The following CC2D1A variants were observed in gnomAD, a reference collection of about 807,000 sequenced individuals.
The protein encoded by CC2D1A is coiled-coil and C2 domain-containing protein 1A.
Under a neutral mutation model 123.8 loss-of-function variants are expected in CC2D1A, and 68 were observed. The observed-to-expected ratio is 0.55, with a 90% CI of 0.45 to 0.67. The LOEUF is 0.67. Among genes scored for constraint, CC2D1A ranks in the 30% least tolerant of loss-of-function variants. CC2D1A has a pLI of 0.00. For synonymous variants in CC2D1A, 477 were observed against 528.0 expected (o/e 0.90, Z 1.32); for missense variants, 1,185 against 1,290.3 (o/e 0.92, Z 1.25).
intron 6 of CC2D1A, among the ~76,000 whole-genome samples, 182 bp downstream of exon 6, chr19:13,913,820 T>A (rs924774909): frequency 5.3e-5 from 8 of 151,544 alleles, no homozygotes; most frequent in African/African-American, 1.7e-4. Context: ...ACCCAGAGAG[T>A]TTTTTTTGTT....
At chr19:13,925,270 G>A (rs979176584) in intron 17 of CC2D1A, among the ~76,000 whole-genome samples, 1 of 152,302 alleles carries the variant, frequency 6.6e-6, no homozygotes, top group Admixed American at 6.5e-5. Context: ...CTGGCACATA[G>A]TAGGTGCTCA....
At chr19:13,920,421 G>T (rs1568413255) in intron 12 of CC2D1A, 136 bp from the exon 13 acceptor site, 6 of 653,484 alleles carry the variant, frequency 9.2e-6, no homozygotes, top group African/African-American at 1.9e-5. Flanking sequence ...CAGGGGCTTT[G>T]AGTGAGGCAG....
At chr19:13,920,095 T>A (rs1459476534) in intron 12 of CC2D1A, 144 bp downstream of exon 12, 15 of 829,320 alleles carry the variant, frequency 1.8e-5, no homozygotes, top group Non-Finnish European at 2.7e-5. Context: ...AAAAAAATTT[T>A]TTAAAATTAG....
chr19:13,917,021 A>C lies in CC2D1A; in HGVS notation c.749-1049A>C, dbSNP rs532173678. Among the ~76,000 whole-genome samples the C allele has an allele frequency of 7.2e-5, 11 of 152,370 alleles. No homozygotes were observed. The East Asian group carries it at 1.9e-3, about 27-fold the overall frequency. ...CCTAACTTTGCAAACACACTGCATA[A>C]ATATATTTTGGTTGTATAAATATAC... On this transcript the variant is annotated intron_variant, in intron 6 of 28. Coordinates refer to ENST00000318003, the MANE Select transcript of CC2D1A (RefSeq NM_017721.5).
At chr19:13,907,036 G>T (rs1970780057) in intron 1 of CC2D1A, among the ~76,000 whole-genome samples, 1 of 152,172 alleles carries the variant, frequency 6.6e-6, no homozygotes, top group Admixed American at 6.6e-5. Context: ...ATAGCTTGGT[G>T]TTCAGATATT....
At position 13,923,192 on chromosome 19, in the gene CC2D1A, CAAAA is replaced by C; in HGVS notation, c.1642-131_1642-128del. 1 of 875,802 alleles carries C rather than the reference CAAAA, an allele frequency of 1.1e-6. No homozygotes were observed. Among genetic ancestry groups the C allele is most frequent in the South Asian group, 1.9e-5 (1 of 53,770 alleles). The allele number at this position is 875,802 out of a possible 1,614,324, so 54.3% of individuals were successfully genotyped here. On this transcript the variant is annotated intron_variant, in intron 14 of 28. Transcript: ENST00000318003. This position sits in a 1 kb window ranked among gnomAD's most constrained non-coding sequence, Gnocchi z 5.3. ...TGGGCAACAGAGCGAGACTCCATCT[CAAAA>C]AAAAAAAAAGACCAGAGAAGGGTGA...
chr19:13,921,653 A>T (rs544342009), intron 14 of CC2D1A, among the ~76,000 whole-genome samples: 10 of 151,964 alleles, frequency 6.6e-5, no homozygotes, highest in African/African-American at 2.2e-4. Context: ...CATTGGCCCA[A>T]ACAGTCACAT....
intron 11 of CC2D1A, 94 bp downstream of exon 11, chr19:13,919,296 C>A: frequency 2.1e-6 from 2 of 943,500 alleles, no homozygotes; most frequent in Non-Finnish European, 3.2e-6. Context: ...GTGCCCCAAG[C>A]TCCTGTTCCT....
Position 13,926,730 on chromosome 19 carries a change from G to A in CC2D1A, c.2073+5G>A, listed in dbSNP as rs200005213. 3.1e-6 allele frequency: 5 copies of A among 1,614,022 alleles called. No homozygotes were observed. The East Asian group carries it at 6.7e-5, about 22-fold the overall frequency. On this transcript the variant is annotated splice_donor_5th_base_variant and intron_variant, in intron 19 of 28. Coordinates refer to ENST00000318003, the MANE Select transcript of CC2D1A (RefSeq NM_017721.5). ...GACTTCCCCTATCCCAACGTGGTAC[G>A]TGGGGAGCTGAGGAGGGGAGGGCTG...
intron 11 of CC2D1A, 153 bp from the exon 12 acceptor site, chr19:13,919,665 G>A (rs905894545): frequency 3.4e-5 from 22 of 654,638 alleles, no homozygotes; most frequent in South Asian, 5.1e-5. Flanking sequence ...GCAACAGAGC[G>A]AGATCCTGTC....
At chr19:13,924,895 C>G (rs1971539342) in intron 17 of CC2D1A, among the ~76,000 whole-genome samples, 1 of 152,186 alleles carries the variant, frequency 6.6e-6, no homozygotes, top group Non-Finnish European at 1.5e-5. Flanking sequence ...CACCTCTTCT[C>G]TGCCTCCTGT....
At chr19:13,909,706 ATG>A in intron 1 of CC2D1A, 115 bp from the exon 2 acceptor site, 24 of 1,371,760 alleles carry the variant, frequency 1.7e-5, no homozygotes, top group Middle Eastern at 1.8e-4. Flanking sequence ...CCCCAGGGAA[ATG>A]GCTTTCCCTG....
chr19:13,919,465 G>A (rs1402095497), intron 11 of CC2D1A, among the ~76,000 whole-genome samples: 10 of 152,150 alleles, frequency 6.6e-5, no homozygotes, highest in Non-Finnish European at 1.2e-4. Context: ...CCGGCTGGAC[G>A]AGGTGGTCAT....
Position 13,906,220 on chromosome 19 carries a change from C to G in CC2D1A, c.-222C>G. 4.6e-6 allele frequency: 2 copies of G among 434,824 alleles called. No homozygotes were observed. The highest frequency in any genetic ancestry group is 9.1e-5 in the South Asian group (2 of 21,986). The allele number at this position is 434,824 out of a possible 1,614,324, so 26.9% of individuals were successfully genotyped here. A position where few individuals can be genotyped will look rare whatever the true frequency, so the allele number is the denominator to read the frequency against. On this transcript the variant is annotated 5_prime_UTR_variant, in exon 1 of 29. Coordinates refer to ENST00000318003, the MANE Select transcript of CC2D1A (RefSeq NM_017721.5). The surrounding 1 kb of genome is among the most constrained non-coding windows in gnomAD (Gnocchi z 4.1). ...GGAGTTGTAGTTTCGGCTCGGCAGA[C>G]CCGGCGAGCCCAGTGGCCGCGCTCC... is the stretch of plus-strand genomic sequence containing the variant.
rs1376521667 is a variant in CC2D1A at position 13,918,975 on chromosome 19, T to G, written c.1082T>G (p.Val361Gly). The change falls in exon 10 of 29, where the codon GTG becomes GGG. Residue 361 changes from valine (V) to glycine (G), a missense_variant. By Grantham distance (109) the Val-to-Gly change is moderately radical. Coordinates refer to ENST00000318003, the MANE Select transcript of CC2D1A (RefSeq NM_017721.5). ...GAGCAGCGGATGGAGCGGTACCAGG[T>G]GGCCGCAGCCCAGGCCAAGAGCAAG... ...ALEQRMERYQVAAAQAKSKGD... is the reference protein window; with the variant it reads ...ALEQRMERYQGAAAQAKSKGD... The G allele has an allele frequency of 6.2e-7, 1 of 1,609,572 alleles. No individual in the cohort carries two copies. Among genetic ancestry groups the G allele is most frequent in the Non-Finnish European group, 8.5e-7 (1 of 1,178,180 alleles).
rs773784073 is a variant in CC2D1A, at chr19:13,913,161, C to T, written c.379-7C>T. Reference sequence around the variant, plus strand: ...ACCACCCACACTGTGCCCCTGCCCTCCCACAGCCGAAGCCTGAGGCCCCTC... The same window carrying T: ...ACCACCCACACTGTGCCCCTGCCCTTCCACAGCCGAAGCCTGAGGCCCCTC... On this transcript the variant is annotated splice_region_variant and splice_polypyrimidine_tract_variant and intron_variant, in intron 4 of 28. Coordinates refer to ENST00000318003, the MANE Select transcript of CC2D1A (RefSeq NM_017721.5). 3 of 1,601,054 alleles carry T rather than the reference C, an allele frequency of 1.9e-6. No individual in the cohort carries two copies. The highest frequency in any genetic ancestry group is 2.6e-6 in the Non-Finnish European group (3 of 1,174,860).
Position 13,930,496 on chromosome 19 carries a change from C to T in CC2D1A, c.*101C>T. On this transcript the variant is annotated 3_prime_UTR_variant, in exon 29 of 29. Transcript: ENST00000318003. The surrounding 1 kb of genome is among the most constrained non-coding windows in gnomAD (Gnocchi z 6.8). ...ACCAGACAAGCAGACAATCAGCGGA[C>T]AATCGGTTCTGGACTCACCCCTCAT... 1 of 1,359,600 alleles carries T rather than the reference C, an allele frequency of 7.4e-7. No homozygotes were observed. The highest frequency in any genetic ancestry group is 9.9e-7 in the Non-Finnish European group (1 of 1,013,580). The allele number at this position is 1,359,600 out of a possible 1,614,324, so 84.2% of individuals were successfully genotyped here.
chr19:13,916,619 T>C (rs1971214980), intron 6 of CC2D1A, among the ~76,000 whole-genome samples: 2 of 152,198 alleles, frequency 1.3e-5, no homozygotes, highest in Admixed American at 1.3e-4. Context: ...AATTACATGC[T>C]AGTAATAATT....
chr19:13,920,429 C>T, intron 12 of CC2D1A, 128 bp from the exon 13 acceptor site: 1 of 684,296 alleles, frequency 1.5e-6, no homozygotes, highest in Non-Finnish European at 2.6e-6. Flanking sequence ...TTGAGTGAGG[C>T]AGGGGAGTAG....
Sources: gnomAD v4.1 joint callset for allele counts (sites outside exome capture counted in the v4.1 genomes callset) on GRCh38, gnomAD v4.1.1 for gene constraint, Gnocchi (gnomAD v3.1) non-coding constraint, MANE v1.5 for transcripts, NCBI Gene and HGNC (gene_info 2026-07-23, HGNC 2026-07-21) for gene names.